The following LIMCH1 variants were observed in gnomAD, a reference collection of about 807,000 sequenced individuals.
LIMCH1 encodes LIM and calponin homology domains-containing protein 1.
LIMCH1 carries 113 observed loss-of-function variants against 176.5 expected under a neutral mutation model. That is an observed-to-expected ratio of 0.64 (90% confidence interval 0.55 to 0.75). LIMCH1 has a LOEUF of 0.75. LIMCH1 is among the 30% of genes least tolerant of loss of function. The pLI is 0.00. For synonymous variants in LIMCH1, 619 were observed against 645.9 expected (o/e 0.96, Z 0.63); for missense variants, 1,674 against 1,814.9 (o/e 0.92, Z 1.41).
rs1272189671 is a variant in LIMCH1 at position 41,631,172 on chromosome 4, T to A, written c.1296T>A (p.Cys432Ter). Residue 432 changes from cysteine (C) to a stop codon, truncating the protein, a stop_gained, in exon 10 of 32, where the codon TGT becomes TGA. Coordinates refer to ENST00000503057, the MANE Select transcript of LIMCH1 (RefSeq NM_001330672.2). LOFTEE classifies it high-confidence loss of function. The stretch of plus-strand genomic sequence containing the variant: ...GGGATGGAGATGTTCAGCACATCTG[T>A]GCTTCTGAGCCTTCCCCAGAAATTA... ...KARDGDVQHI[C>*]ASEPSPEIKA... 6.5e-7 allele frequency: 1 copy of A among 1,534,902 alleles called. No homozygotes were observed. Among genetic ancestry groups the A allele is most frequent in the Admixed American group, 2.0e-5 (1 of 50,806 alleles).
chr4:41,384,677 A>C (rs2056240260), intron 1 of LIMCH1, among the ~76,000 whole-genome samples: 1 of 152,200 alleles, frequency 6.6e-6, no homozygotes, highest in Non-Finnish European at 1.5e-5. Flanking sequence ...AGCCAGAAGA[A>C]AGGGCTGAGC....
At chr4:41,599,150 G>A in intron 2 of LIMCH1, 124 bp downstream of exon 2, 1 of 599,480 alleles carries the variant, frequency 1.7e-6, no homozygotes, top group Non-Finnish European at 3.0e-6. Flanking sequence ...AAAATGTGAA[G>A]GTAAAAATCA....
At chr4:41,391,212 T>C (rs2057197592) in intron 1 of LIMCH1, among the ~76,000 whole-genome samples, 1 of 152,216 alleles carries the variant, frequency 6.6e-6, no homozygotes, top group South Asian at 2.1e-4. Context: ...TGGAAAAATA[T>C]TTTAATCCTT....
chr4:41,555,549 T>C (rs113448417), intron 1 of LIMCH1, among the ~76,000 whole-genome samples: 1,546 of 152,272 alleles, frequency 0.01, 15 homozygotes, highest in African/African-American at 0.033. Context: ...GTTCTTTCAT[T>C]CATTCAACAA....
At chr4:41,539,383 G>T (rs1020101962) in intron 1 of LIMCH1, among the ~76,000 whole-genome samples, 2 of 152,148 alleles carry the variant, frequency 1.3e-5, no homozygotes, top group African/African-American at 4.8e-5. Flanking sequence ...AAATAAAACC[G>T]AGAGGCTGCA....
intron 22 of LIMCH1, among the ~76,000 whole-genome samples, chr4:41,674,546 A>G (rs150182060): frequency 1.1e-3 from 175 of 152,368 alleles, no homozygotes; most frequent in African/African-American, 3.9e-3. Context: ...GAAATTTTAG[A>G]TTACAGATGC....
chr4:41,377,389 A>G (rs186893474), intron 1 of LIMCH1, among the ~76,000 whole-genome samples: 1 of 152,328 alleles, frequency 6.6e-6, no homozygotes, highest in African/African-American at 2.4e-5. Context: ...CACTGCAAAA[A>G]CAAGTGATAT....
intron 2 of LIMCH1, among the ~76,000 whole-genome samples, chr4:41,509,263 A>G (rs2074545030): frequency 6.6e-6 from 1 of 152,204 alleles, no homozygotes; most frequent in African/African-American, 2.4e-5. Flanking sequence ...TTTAGTCCTC[A>G]GAGCAACCCC....
intron 1 of LIMCH1, among the ~76,000 whole-genome samples, chr4:41,457,222 C>T (rs1449822768): frequency 6.6e-6 from 1 of 152,088 alleles, no homozygotes; most frequent in African/African-American, 2.4e-5. Context: ...CAATTAATTT[C>T]ATCTTGCTTT....
intron 21 of LIMCH1, among the ~76,000 whole-genome samples, chr4:41,668,288 G>T (rs1324047047): frequency 1.3e-5 from 2 of 152,164 alleles, no homozygotes; most frequent in East Asian, 3.8e-4. Flanking sequence ...GTGGAAACAA[G>T]TTTAATACTG....
intron 2 of LIMCH1, among the ~76,000 whole-genome samples, chr4:41,502,999 G>GTCTGTCCATCCATCCATCCA (rs1554075692): frequency 8.7e-4 from 120 of 138,414 alleles, no homozygotes; most frequent in African/African-American, 3.2e-3. Flanking sequence ...TGGTCTGTCT[G>GTCTGTCCATCCATCCATCCA]TCCATCCATC....
intron 1 of LIMCH1, among the ~76,000 whole-genome samples, chr4:41,562,018 G>C (rs2082133039): frequency 1.3e-5 from 2 of 152,126 alleles, no homozygotes; most frequent in South Asian, 4.1e-4. Context: ...ATTATTGCTT[G>C]TGGGTTTGGG....
At chr4:41,486,468 A>G (rs2069552885) in intron 1 of LIMCH1, among the ~76,000 whole-genome samples, 1 of 152,230 alleles carries the variant, frequency 6.6e-6, no homozygotes. Flanking sequence ...GCAATGGCTT[A>G]TGCTGTCATG....
At chr4:41,376,561 T>G (rs1274314039) in intron 1 of LIMCH1, among the ~76,000 whole-genome samples, 1 of 152,162 alleles carries the variant, frequency 6.6e-6, no homozygotes, top group Non-Finnish European at 1.5e-5. Context: ...CAAATGGCCT[T>G]TACCTTGCAA....
intron 1 of LIMCH1, among the ~76,000 whole-genome samples, chr4:41,455,872 C>A (rs941086663): frequency 2.6e-4 from 40 of 152,190 alleles, no homozygotes; most frequent in African/African-American, 9.4e-4. Context: ...ACAAGATATC[C>A]AATGGTGGTA....
upstream of LIMCH1, among the ~76,000 whole-genome samples, chr4:41,536,240 A>G (rs2077931500): frequency 6.6e-6 from 1 of 152,224 alleles, no homozygotes; most frequent in Non-Finnish European, 1.5e-5. Flanking sequence ...TGTATGAAGT[A>G]TGAGACCATG....
intron 1 of LIMCH1, among the ~76,000 whole-genome samples, chr4:41,439,929 G>A (rs2062527138): frequency 6.6e-6 from 1 of 152,058 alleles, no homozygotes; most frequent in African/African-American, 2.4e-5. Flanking sequence ...CAAAAAGGAG[G>A]AGGGCAACAT....
At chr4:41,599,370 T>A (rs563258631) in intron 2 of LIMCH1, among the ~76,000 whole-genome samples, 35 of 152,320 alleles carry the variant, frequency 2.3e-4, no homozygotes, top group Non-Finnish European at 1.0e-4. Flanking sequence ...AATTGAACAT[T>A]TGAGTAGGCT....
chr4:41,485,185 T>G (rs1205228126), intron 1 of LIMCH1, among the ~76,000 whole-genome samples: 1 of 152,204 alleles, frequency 6.6e-6, no homozygotes, highest in Non-Finnish European at 1.5e-5. Flanking sequence ...GCAGTGCCAT[T>G]GACATAGACA....
Sources: gnomAD v4.1 joint callset for allele counts (sites outside exome capture counted in the v4.1 genomes callset) on GRCh38, gnomAD v4.1.1 for gene constraint, MANE v1.5 for transcripts, NCBI Gene and HGNC (gene_info 2026-07-23, HGNC 2026-07-21) for gene names.